CTR9: variants seen among roughly 807,000 people sequenced by gnomAD.
CTR9 encodes the protein CTR9 component of Paf1/RNA polymerase II complex.
A neutral mutation model predicts 152.1 loss-of-function variants in CTR9; 41 were observed. The ratio of observed to expected loss-of-function variants is 0.27; its 90% CI spans 0.21 to 0.35. CTR9 has a LOEUF of 0.35. Among genes scored for constraint, CTR9 ranks in the 10% least tolerant of loss-of-function variants. The pLI, the probability that CTR9 is intolerant of heterozygous loss-of-function variation, is 1.00. For synonymous variants in CTR9, 476 were observed against 496.2 expected, an observed-to-expected ratio of 0.96 and a Z score of 0.54; for missense variants, 917 against 1,424.4, an observed-to-expected ratio of 0.64 and a Z score of 5.73.
At chr11:10,766,574 A>G (rs1036970307) in intron 13 of CTR9, 84 bp downstream of exon 13, 2 of 932,272 alleles carry the variant, frequency 2.1e-6, no homozygotes, top group Non-Finnish European at 1.6e-6. Context: ...TTTAATGGCT[A>G]CATCTTCCTG....
At chr11:10,751,721 T>G (rs540027919) in intron 1 of CTR9, among the ~76,000 whole-genome samples, 1 of 152,306 alleles carries the variant, frequency 6.6e-6, no homozygotes, top group Non-Finnish European at 1.5e-5. Context: ...GACAGTGCGC[T>G]ACTCTTTTCC....
At chr11:10,758,789 T>C (rs577253889) in intron 5 of CTR9, among the ~76,000 whole-genome samples, 136 of 152,256 alleles carry the variant, frequency 8.9e-4, no homozygotes, top group African/African-American at 3.1e-3. Context: ...TAAAATAATC[T>C]TTTTAGAATA....
In CTR9 at chr11:10,761,871, T is replaced by A. The variant is rs1452392039; in HGVS notation, c.742-76T>A. On this transcript the variant is annotated intron_variant, in intron 6 of 24. Transcript: ENST00000361367. Reference sequence around the variant, plus strand: ...CTTAGGATTTATAACTTATTTCTTGTGACTAAAGAAAACTTCTTGAAAAGT... The same window carrying A: ...CTTAGGATTTATAACTTATTTCTTGAGACTAAAGAAAACTTCTTGAAAAGT... 9 of 877,146 alleles carry A rather than the reference T, an allele frequency of 1.0e-5. No individual in the cohort carries two copies. In the East Asian group the frequency reaches 2.3e-4, roughly 22 times the overall value. 54.3% of individuals were successfully genotyped at this position (877,146 alleles called of 1,614,324 possible). A position where few individuals can be genotyped will look rare whatever the true frequency, so the allele number is the denominator to read the frequency against.
Position 10,779,152 on chromosome 11 carries a change from T to C in CTR9, c.*47T>C, listed in dbSNP as rs779037455. ...TCATCTCTGGAGGAAACTTTTTTAA[T>C]ATATGAAAGCTGTGATAAAAATGTT... On this transcript the variant is annotated 3_prime_UTR_variant, in exon 25 of 25. Coordinates refer to ENST00000361367, the MANE Select transcript of CTR9 (RefSeq NM_014633.5). 3 of 1,513,056 alleles carry C rather than the reference T, an allele frequency of 2.0e-6. No homozygotes were observed. Among genetic ancestry groups the C allele is most frequent in the African/African-American group, 2.8e-5 (2 of 71,460 alleles). 93.7% of individuals were successfully genotyped at this position (1,513,056 alleles called of 1,614,324 possible).
In CTR9 at chr11:10,764,362, G is replaced by A; in HGVS notation, c.1339G>A (p.Ala447Thr). The change falls in exon 11 of 25, where the codon GCC becomes ACC. Residue 447 changes from alanine to threonine, a missense_variant. Coordinates refer to ENST00000361367, the MANE Select transcript of CTR9 (RefSeq NM_014633.5). Reference protein sequence around the residue: ...ATRILQEKVQADVPPEILNNV... With the variant: ...ATRILQEKVQTDVPPEILNNV... The stretch of plus-strand genomic sequence containing the variant: ...ACGAATCCTTCAGGAGAAAGTGCAG[G>A]CCGATGTTCCTCCAGAGATTCTCAA... The A allele has an allele frequency of 6.2e-7, 1 of 1,614,096 alleles. No individual in the cohort carries two copies. The highest frequency in any genetic ancestry group is 8.5e-7 in the Non-Finnish European group (1 of 1,179,998).
chr11:10,778,699 G>A lies in CTR9; in HGVS notation c.3116G>A (p.Ser1039Asn). The change falls in exon 25 of 25, where the codon AGC (serine) becomes AAC (asparagine). Residue 1039 changes from serine (S) to asparagine (N), a missense_variant. Ser to Asn is a conservative substitution (Grantham distance 46). This residue lies in a region of CTR9 where 384 missense variants were observed against 398.4 expected (regional missense o/e 0.96). Transcript: ENST00000361367. ...ADEGHPRNSNSNSDSDEDEQR... is the reference protein window; with the variant it reads ...ADEGHPRNSNNNSDSDEDEQR... ...GCCAGACATCCCAGGAACAGCAACA[G>A]CAACAGTGACTCAGACGAGGACGAA... 1 of 1,612,442 alleles carries A rather than the reference G, an allele frequency of 6.2e-7. No individual in the cohort carries two copies. Among genetic ancestry groups the A allele is most frequent in the Non-Finnish European group, 8.5e-7 (1 of 1,178,628 alleles).
chr11:10,773,756 A>G (rs1352974692), intron 21 of CTR9, among the ~76,000 whole-genome samples: 1 of 151,908 alleles, frequency 6.6e-6, no homozygotes, highest in Non-Finnish European at 1.5e-5. Context: ...GTAGTGATGC[A>G]TGCCTGTAGT....
At chr11:10,761,215 G>T (rs909720100) in intron 6 of CTR9, among the ~76,000 whole-genome samples, 1 of 152,182 alleles carries the variant, frequency 6.6e-6, no homozygotes, top group Non-Finnish European at 1.5e-5. Context: ...TTCATCCCCA[G>T]TTGAGAACCA....
chr11:10,772,313 C>T, intron 19 of CTR9, among the ~76,000 whole-genome samples: 1 of 152,010 alleles, frequency 6.6e-6, no homozygotes, highest in East Asian at 1.9e-4. Flanking sequence ...GAGATGGCAC[C>T]ATTACACTCT....
Position 10,778,884 on chromosome 11 carries a change from C to T in CTR9, c.3301C>T (p.Gln1101Ter). 6.2e-7 allele frequency: 1 copy of T among 1,614,212 alleles called. No homozygotes were observed. The highest frequency in any genetic ancestry group is 8.5e-7 in the Non-Finnish European group (1 of 1,180,026). ...SRKRRPSGSE[Q>*]SDNESVQSGR... Reference sequence around the variant, plus strand: ...AAAGAGAAGGCCCTCCGGTTCTGAGCAGTCTGACAATGAATCTGTGCAGTC... The same window carrying T: ...AAAGAGAAGGCCCTCCGGTTCTGAGTAGTCTGACAATGAATCTGTGCAGTC... The change falls in exon 25 of 25, where the codon CAG becomes TAG. Residue 1101 changes from glutamine (Q) to a stop codon, truncating the protein, a stop_gained. Coordinates refer to ENST00000361367, the MANE Select transcript of CTR9 (RefSeq NM_014633.5). LOFTEE classifies it high-confidence loss of function.
At chr11:10,777,100 T>C (rs2135387493) in intron 24 of CTR9, among the ~76,000 whole-genome samples, 1 of 151,748 alleles carries the variant, frequency 6.6e-6, no homozygotes, top group East Asian at 1.9e-4. Context: ...TTGTAAGAGA[T>C]GTTTTTTTCT....
At position 10,772,643 on chromosome 11, in the gene CTR9, T is replaced by G. The variant is rs137954493; in HGVS notation, c.2568T>G (p.Leu856=). Reference sequence around the variant, plus strand: ...AAAAGGAGCTGTTAAGGCAGAAACTTCTTAAAGAACAGGTATCTTGTATTT... The same window carrying G: ...AAAAGGAGCTGTTAAGGCAGAAACTGCTTAAAGAACAGGTATCTTGTATTT... The part of the protein sequence containing the change: ...EQEKELLRQK[L]LKEQEEKRLR... The change falls in exon 20 of 25, where the codon CTT becomes CTG. Residue 856 remains leucine, a synonymous_variant. Coordinates refer to ENST00000361367, the MANE Select transcript of CTR9 (RefSeq NM_014633.5). The G allele has an allele frequency of 4.4e-6, 7 of 1,602,930 alleles. No homozygotes were observed. The African/African-American group carries it at 6.8e-5, about 16-fold the overall frequency.
rs1280958788 is a variant in CTR9 at position 10,767,659 on chromosome 11, A to C, written c.1687-147A>C. The C allele has an allele frequency of 2.1e-5, 6 of 281,796 alleles. No individual in the cohort carries two copies. In the Admixed American group the frequency reaches 2.6e-4, roughly 12 times the overall value. The allele number at this position is 281,796 out of a possible 1,614,324, so 17.5% of individuals were successfully genotyped here. A position where few individuals can be genotyped will look rare whatever the true frequency, so the allele number is the denominator to read the frequency against. On this transcript the variant is annotated intron_variant, in intron 13 of 24. Transcript: ENST00000361367. This position sits in a 1 kb window ranked among gnomAD's most constrained non-coding sequence, Gnocchi z 4.0. ...GTTCGATAAATTTGGATTGCCATGC[A>C]AAAAAAAAAAGAAAGAAAGAAAAGA...
intron 19 of CTR9, 38 bp downstream of exon 19, chr11:10,771,654 G>A (rs1590025672): frequency 1.4e-6 from 2 of 1,479,646 alleles, no homozygotes; most frequent in South Asian, 2.3e-5. Flanking sequence ...TTTGGGTGAG[G>A]CAGTGATATT....
At chr11:10,774,238 CT>C in intron 22 of CTR9, 69 bp downstream of exon 22, 1 of 1,511,358 alleles carries the variant, frequency 6.6e-7, no homozygotes, top group Non-Finnish European at 8.8e-7. Context: ...CCTTCTGAAT[CT>C]TTTGATGTTT....
chr11:10,777,349 C>T (rs1863256615), intron 24 of CTR9, among the ~76,000 whole-genome samples: 1 of 151,498 alleles, frequency 6.6e-6, no homozygotes, highest in Admixed American at 6.6e-5. Flanking sequence ...CTGGGCAGCA[C>T]AGTGAGACTA....
rs372648972 is a variant in CTR9 at position 10,775,275 on chromosome 11, G to A, written c.2954G>A (p.Arg985His). The A allele has an allele frequency of 3.0e-5, 48 of 1,613,840 alleles. No homozygotes were observed. Among genetic ancestry groups the A allele is most frequent in the East Asian group, 2.0e-4 (9 of 44,886 alleles). Residue 985 changes from arginine (R) to histidine (H), a missense_variant, in exon 23 of 25, where the codon CGT becomes CAT. By Grantham distance (29) the Arg-to-His change is conservative. This residue lies in a region of CTR9 where 384 missense variants were observed against 398.4 expected (regional missense o/e 0.96). Coordinates refer to ENST00000361367, the MANE Select transcript of CTR9 (RefSeq NM_014633.5). ...TENGPKPKKR[R>H]PPKAEKKKAP... Reference sequence around the variant, plus strand: ...AATGGCCCCAAACCAAAAAAACGACGTCCACCAAAAGCAGAGAAGAAAAAG... The same window carrying A: ...AATGGCCCCAAACCAAAAAAACGACATCCACCAAAAGCAGAGAAGAAAAAG...
At chr11:10,752,045 G>A (rs1316894520) in intron 1 of CTR9, among the ~76,000 whole-genome samples, 1 of 152,122 alleles carries the variant, frequency 6.6e-6, no homozygotes, top group South Asian at 2.1e-4. Flanking sequence ...GCTTGTCTGA[G>A]TAAAGCTCTC....
At chr11:10,775,112 G>T in intron 22 of CTR9, 95 bp from the exon 23 acceptor site, 1 of 949,290 alleles carries the variant, frequency 1.1e-6, no homozygotes, top group Non-Finnish European at 1.6e-6. Context: ...CCATATAGAA[G>T]AGGATTCAGA....
Sources: gnomAD v4.1 joint callset for allele counts (sites outside exome capture counted in the v4.1 genomes callset) on GRCh38, gnomAD v4.1.1 for gene constraint, gnomAD v4.1.1 regional missense constraint, Gnocchi (gnomAD v3.1) non-coding constraint, MANE v1.5 for transcripts, NCBI Gene and HGNC (gene_info 2026-07-23, HGNC 2026-07-21) for gene names.